The following PLCZ1 variants were observed in gnomAD, a reference collection of about 807,000 sequenced individuals.
PLCZ1 encodes phospholipase C zeta 1.
In PLCZ1, 64 loss-of-function variants were observed where a neutral mutation model predicts 76.8. The observed-to-expected ratio is 0.83, with a 90% CI of 0.68 to 1.03. PLCZ1 has a LOEUF of 1.03. Ranked by LOEUF, PLCZ1 falls within the 50% of genes least tolerant of loss-of-function variation. PLCZ1 has a pLI of 0.00. For synonymous variants in PLCZ1, 248 were observed against 230.8 expected (o/e 1.07, Z -0.68); for missense variants, 751 against 713.7 (o/e 1.05, Z -0.60).
the PLCZ1 span, among the ~76,000 whole-genome samples, chr12:18,663,064 G>A: frequency 2.0e-5 from 3 of 151,942 alleles, no homozygotes; most frequent in African/African-American, 7.2e-5. Context: ...GACATAGATG[G>A]AAAACTACCT....
chr12:18,662,538 T>C, the PLCZ1 span, among the ~76,000 whole-genome samples: 1 of 152,264 alleles, frequency 6.6e-6, no homozygotes, highest in East Asian at 1.9e-4. Flanking sequence ...AGATCCACAG[T>C]AAAGGTAAAT....
chr12:18,660,274 G>A, the PLCZ1 span, among the ~76,000 whole-genome samples: 1 of 152,112 alleles, frequency 6.6e-6, no homozygotes, highest in African/African-American at 2.4e-5. Flanking sequence ...ACCAGCAGGA[G>A]CCATAAGGAT....
intron 2 of PLCZ1, among the ~76,000 whole-genome samples, chr12:18,737,090 AACT>A (rs1299375018): frequency 2.0e-5 from 3 of 152,170 alleles, no homozygotes; most frequent in East Asian, 1.9e-4. Flanking sequence ...AATTGTGCAA[AACT>A]ACTAAGTTTC....
chr12:18,702,174 AT>A (rs2137273963), intron 7 of PLCZ1, among the ~76,000 whole-genome samples: 1 of 152,230 alleles, frequency 6.6e-6, no homozygotes, highest in African/African-American at 2.4e-5. Context: ...ATTAAAAAGT[AT>A]TAAATGAAAT....
chr12:18,709,594 C>A (rs1957047714), intron 6 of PLCZ1, among the ~76,000 whole-genome samples: 1 of 151,668 alleles, frequency 6.6e-6, no homozygotes, highest in Middle Eastern at 3.2e-3. Context: ...TAAATCTGTA[C>A]ACTGTAGCCT....
chr12:18,719,657 T>TA, intron 4 of PLCZ1, 25 bp from the exon 5 acceptor site: 1 of 1,505,794 alleles, frequency 6.6e-7, no homozygotes. Flanking sequence ...TAAAATAAGT[T>TA]AAAAGGATGC....
chr12:18,694,200 T>C (rs539021833), intron 12 of PLCZ1: 98 of 632,698 alleles, frequency 1.5e-4, no homozygotes, highest in Middle Eastern at 8.8e-4. Context: ...TTCCCATTGA[T>C]TTTTATTAGC....
At chr12:18,652,596 T>G in the PLCZ1 span, among the ~76,000 whole-genome samples, 1 of 152,112 alleles carries the variant, frequency 6.6e-6, no homozygotes, top group Non-Finnish European at 1.5e-5. Flanking sequence ...TGTTGTGTTG[T>G]CCCAGCCCCA....
intron 10 of PLCZ1, among the ~76,000 whole-genome samples, chr12:18,698,183 C>A (rs993699763): frequency 6.6e-6 from 1 of 151,990 alleles, no homozygotes; most frequent in Non-Finnish European, 1.5e-5. Flanking sequence ...AACTCACATG[C>A]ACGATGCACA....
the PLCZ1 span, among the ~76,000 whole-genome samples, chr12:18,675,261 C>T: frequency 2.2e-4 from 34 of 152,268 alleles, no homozygotes; most frequent in Admixed American, 8.5e-4. Flanking sequence ...CAGCTTAGTC[C>T]AGCCAAATTG....
the PLCZ1 span, among the ~76,000 whole-genome samples, chr12:18,646,570 T>C: frequency 1.3e-5 from 2 of 152,152 alleles, no homozygotes; most frequent in Non-Finnish European, 2.9e-5. Flanking sequence ...GCTAAATCCA[T>C]GCTCACAGGG....
chr12:18,727,697 A>C (rs1286420157), intron 3 of PLCZ1, among the ~76,000 whole-genome samples: 1 of 152,194 alleles, frequency 6.6e-6, no homozygotes, highest in African/African-American at 2.4e-5. Context: ...TGGAAAGAAT[A>C]AAGAGTTATT....
intron 10 of PLCZ1, among the ~76,000 whole-genome samples, chr12:18,698,764 C>A (rs540057039): frequency 2.0e-5 from 3 of 152,136 alleles, no homozygotes; most frequent in Non-Finnish European, 4.4e-5. Context: ...AAGCATTTAT[C>A]CTTTGTGTAA....
chr12:18,703,457 T>C (rs1476636995), intron 7 of PLCZ1, among the ~76,000 whole-genome samples: 1 of 152,184 alleles, frequency 6.6e-6, no homozygotes, highest in Non-Finnish European at 1.5e-5. Flanking sequence ...AATACAGCTG[T>C]TTTTCTTCGA....
At chr12:18,732,498 T>C (rs2150758819) in intron 3 of PLCZ1, among the ~76,000 whole-genome samples, 1 of 152,350 alleles carries the variant, frequency 6.6e-6, no homozygotes, top group African/African-American at 2.4e-5. Flanking sequence ...ATCTAAGATC[T>C]ACCCTCTTAC....
chr12:18,730,170 G>GCTCTC, intron 3 of PLCZ1, among the ~76,000 whole-genome samples: 1 of 152,206 alleles, frequency 6.6e-6, no homozygotes, highest in East Asian at 1.9e-4. Context: ...CTAGTGCTCT[G>GCTCTC]AGAGACTAGA....
At chr12:18,699,233 T>C (rs1365877096) in intron 10 of PLCZ1, among the ~76,000 whole-genome samples, 3 of 152,186 alleles carry the variant, frequency 2.0e-5, no homozygotes, top group Non-Finnish European at 2.9e-5. Context: ...TCCTTCACCA[T>C]AGGCATAGAG....
the PLCZ1 span, among the ~76,000 whole-genome samples, chr12:18,653,749 T>C: frequency 0.59 from 88,973 of 151,882 alleles, 26,301 homozygotes; most frequent in East Asian, 0.72. Context: ...TATTAGAGTT[T>C]GGAGATTCAA....
intron 3 of PLCZ1, 103 bp downstream of exon 3, chr12:18,736,118 T>G (rs1169647249): frequency 7.6e-7 from 1 of 1,319,282 alleles, no homozygotes; most frequent in Non-Finnish European, 1.1e-6. Flanking sequence ...TTAGTATAAT[T>G]AATTGCTTTT....
Sources: gnomAD v4.1 joint callset for allele counts (sites outside exome capture counted in the v4.1 genomes callset) on GRCh38, gnomAD v4.1.1 for gene constraint, MANE v1.5 for transcripts, NCBI Gene and HGNC (gene_info 2026-07-23, HGNC 2026-07-21) for gene names.